Variants in BCR observed in about 807,000 individuals in gnomAD.
BCR encodes breakpoint cluster region protein.
A neutral mutation model predicts 138.6 loss-of-function variants in BCR; 58 were observed. That is an observed-to-expected ratio of 0.42 (90% confidence interval 0.34 to 0.52). BCR has a LOEUF of 0.52. Among genes scored for constraint, BCR ranks in the 20% least tolerant of loss-of-function variants. The pLI, the probability that BCR is intolerant of heterozygous loss-of-function variation, is 0.06. For missense variants in BCR, 1,599 were observed against 1,727.2 expected, an observed-to-expected ratio of 0.93 and a Z score of 1.32; for synonymous variants, 786 against 730.1, an observed-to-expected ratio of 1.08 and a Z score of -1.23.
chr22:23,249,231 C>T (rs891577815), intron 1 of BCR, among the ~76,000 whole-genome samples: 3 of 152,048 alleles, frequency 2.0e-5, no homozygotes, highest in African/African-American at 7.2e-5. Flanking sequence ...AGATGGAGAC[C>T]ATCCTGGCTA....
chr22:23,186,874 T>TA (rs2072349970), intron 1 of BCR, among the ~76,000 whole-genome samples: 1 of 152,188 alleles, frequency 6.6e-6, no homozygotes, highest in East Asian at 1.9e-4. Context: ...TAGCTGGGAT[T>TA]ACAGGTGTGC....
chr22:23,307,136 C>T (rs933476119), intron 16 of BCR, among the ~76,000 whole-genome samples: 3 of 152,216 alleles, frequency 2.0e-5, no homozygotes, highest in African/African-American at 7.2e-5. Context: ...CGCTTTGTTG[C>T]GCAGGCTGGA....
chr22:23,199,431 AG>A, intron 1 of BCR: 3 of 433,816 alleles, frequency 6.9e-6, no homozygotes, highest in Non-Finnish European at 1.4e-5. Flanking sequence ...AAGTCTGGGA[AG>A]GTTGATGGGG....
chr22:23,263,260 A>G (rs2073392505), intron 4 of BCR: 2 of 1,084,438 alleles, frequency 1.8e-6, no homozygotes, highest in Non-Finnish European at 2.7e-6. Context: ...TCCTACCTCG[A>G]CATGCGGGCC....
At chr22:23,247,928 G>A (rs973733159) in intron 1 of BCR, among the ~76,000 whole-genome samples, 3 of 152,186 alleles carry the variant, frequency 2.0e-5, no homozygotes, top group African/African-American at 4.8e-5. Flanking sequence ...GTTCCATTGC[G>A]TGTATACATT....
At chr22:23,260,634 T>G (rs1041583000) in intron 2 of BCR, among the ~76,000 whole-genome samples, 1 of 152,160 alleles carries the variant, frequency 6.6e-6, no homozygotes, top group African/African-American at 2.4e-5. Context: ...GCAGCTGCCC[T>G]TGGGTTGCAT....
rs761208560 is a variant in BCR, at chr22:23,288,191, G to T, written c.2602+19G>T. On this transcript the variant is annotated intron_variant, in intron 12 of 22. Coordinates refer to ENST00000305877, the MANE Select transcript of BCR (RefSeq NM_004327.4). The stretch of plus-strand genomic sequence containing the variant: ...AAGAAGTGTGAGTATCCTCTGTCCT[G>T]AGAGGGGCTGGGCTTCAAACCATTA... The T allele has an allele frequency of 3.1e-6, 5 of 1,610,248 alleles. No individual in the cohort carries two copies. The South Asian group carries it at 5.5e-5, about 18-fold the overall frequency.
chr22:23,181,351 G>A lies in BCR; in HGVS notation c.391G>A (p.Ala131Thr), dbSNP rs2072255319. ...GSPGKARPGT[A>T]RRPGAAASGE... is the part of the protein sequence containing the mutation. The stretch of plus-strand genomic sequence containing the variant: ...TCCGGGTAAGGCCAGGCCCGGGACC[G>A]CCCGCAGGCCCGGGGCAGCCGCGTC... Residue 131 changes from alanine to threonine, a missense_variant, in exon 1 of 23, where the codon GCC (alanine) becomes ACC (threonine). Coordinates refer to ENST00000305877, the MANE Select transcript of BCR (RefSeq NM_004327.4). 1.3e-6 allele frequency: 2 copies of A among 1,499,498 alleles called. No individual in the cohort carries two copies. Among genetic ancestry groups the A allele is most frequent in the Non-Finnish European group, 1.8e-6 (2 of 1,131,204 alleles). 92.9% of individuals were successfully genotyped at this position (1,499,498 alleles called of 1,614,324 possible). A position where few individuals can be genotyped will look rare whatever the true frequency, so the allele number is the denominator to read the frequency against.
chr22:23,254,588 C>T (rs775803094), intron 2 of BCR: 3 of 518,874 alleles, frequency 5.8e-6, no homozygotes, highest in Non-Finnish European at 7.7e-6. Flanking sequence ...CACATGAGAA[C>T]GTAGCCCGGG....
At chr22:23,209,218 G>A (rs114364428) in intron 1 of BCR, among the ~76,000 whole-genome samples, 4,789 of 151,932 alleles carry the variant, frequency 0.032, 281 homozygotes, top group African/African-American at 0.11. Context: ...AAATGAACCG[G>A]GTGTGGTGGC....
intron 2 of BCR, among the ~76,000 whole-genome samples, chr22:23,259,610 G>A (rs1210563778): frequency 1.3e-5 from 2 of 151,128 alleles, no homozygotes; most frequent in Admixed American, 6.6e-5. Flanking sequence ...TCCCCCTCCT[G>A]TGTTCAGGCA....
chr22:23,293,472 A>G (rs906822451), intron 15 of BCR, among the ~76,000 whole-genome samples: 4 of 152,156 alleles, frequency 2.6e-5, no homozygotes, highest in Non-Finnish European at 4.4e-5. Context: ...GAATAGTACA[A>G]GGGCACAAGG....
chr22:23,225,495 T>A (rs1371090223), intron 1 of BCR, among the ~76,000 whole-genome samples: 4 of 152,202 alleles, frequency 2.6e-5, no homozygotes, highest in Non-Finnish European at 4.4e-5. Context: ...ACCTGGAGGA[T>A]GTGGCCCAAG....
At chr22:23,246,148 G>T (rs924845256) in intron 1 of BCR, among the ~76,000 whole-genome samples, 33 of 152,198 alleles carry the variant, frequency 2.2e-4, no homozygotes, top group Admixed American at 1.6e-3. Flanking sequence ...GCAGAGGCCG[G>T]GTGTAGTGGC....
intron 1 of BCR, among the ~76,000 whole-genome samples, chr22:23,248,124 A>G (rs2073176279): frequency 6.6e-6 from 1 of 152,110 alleles, no homozygotes; most frequent in South Asian, 2.1e-4. Context: ...CTGGTGGATT[A>G]CTTGAGGTCA....
chr22:23,313,842 T>G, intron 20 of BCR, 126 bp from the exon 21 acceptor site: 67 of 839,748 alleles, frequency 8.0e-5, no homozygotes, highest in Non-Finnish European at 1.1e-4. Context: ...GCCAGAGCTG[T>G]GAGACTGAGG....
At chr22:23,233,471 C>T (rs1028571870) in intron 1 of BCR, among the ~76,000 whole-genome samples, 3 of 152,118 alleles carry the variant, frequency 2.0e-5, no homozygotes, top group Non-Finnish European at 4.4e-5. Flanking sequence ...ACGTGGTGCA[C>T]GCCTGGCCCT....
intron 1 of BCR, among the ~76,000 whole-genome samples, chr22:23,211,712 GT>G (rs1038908199): frequency 1.1e-4 from 16 of 151,996 alleles, no homozygotes; most frequent in Admixed American, 3.3e-4. Context: ...GTTTCATCAT[GT>G]TGTCCAGGCT....
Position 23,225,338 on chromosome 22 carries a change from G to T in BCR, c.1280-28461G>T, listed in dbSNP as rs549620723. Among the ~76,000 whole-genome samples, 4 of 151,274 alleles carry T rather than the reference G, an allele frequency of 2.6e-5. No individual in the cohort carries two copies. In the South Asian group the frequency reaches 6.3e-4, roughly 24 times the overall value. The stretch of plus-strand genomic sequence containing the variant: ...AGATTTCCTCTCTGTCCCCATCTGG[G>T]CTCATTTTCACTGGATGGACCCCAC... On this transcript the variant is annotated intron_variant, in intron 1 of 22. Coordinates refer to ENST00000305877, the MANE Select transcript of BCR (RefSeq NM_004327.4).
Sources: gnomAD v4.1 joint callset for allele counts (sites outside exome capture counted in the v4.1 genomes callset) on GRCh38, gnomAD v4.1.1 for gene constraint, MANE v1.5 for transcripts, NCBI Gene and HGNC (gene_info 2026-07-23, HGNC 2026-07-21) for gene names.